The following SMG6 variants were observed in gnomAD, a reference collection of about 807,000 sequenced individuals.
SMG6 encodes SMG6 nonsense mediated mRNA decay factor, also known as telomerase-binding protein EST1A.
SMG6 carries 66 observed loss-of-function variants against 142.2 expected under a neutral mutation model. The ratio of observed to expected loss-of-function variants is 0.46; its 90% CI spans 0.38 to 0.57. The LOEUF (loss-of-function observed/expected upper bound fraction) is 0.57, where lower values mean the gene tolerates loss of function less well. SMG6 is among the 20% of genes least tolerant of loss of function. SMG6 has a pLI of 0.00. For missense variants in SMG6, 1,793 were observed against 1,832.0 expected (o/e 0.98, Z 0.39); for synonymous variants, 779 against 702.4 (o/e 1.11, Z -1.72).
At chr17:2,193,942 C>T (rs1463804705) in intron 10 of SMG6, among the ~76,000 whole-genome samples, 2 of 152,128 alleles carry the variant, frequency 1.3e-5, no homozygotes, top group African/African-American at 4.8e-5. Flanking sequence ...GCGATTCTTC[C>T]GCCTCAGCCT....
rs193029154 is a variant in SMG6, at chr17:2,215,224, C to T, written c.2869+21268G>A. Among the ~76,000 whole-genome samples, 43 of 151,314 alleles carry T rather than the reference C, an allele frequency of 2.8e-4. No homozygotes were observed. The East Asian group carries it at 6.8e-3, about 24-fold the overall frequency. On this transcript the variant is annotated intron_variant, in intron 10 of 18. Transcript: ENST00000263073. ...TGCGTACATTATAAACACACACACA[C>T]GCGCGCGCACACACACACACAGACC...
intron 9 of SMG6, among the ~76,000 whole-genome samples, chr17:2,242,356 C>CAAAAAA (rs57062488): frequency 5.4e-5 from 4 of 73,506 alleles, no homozygotes; most frequent in African/African-American, 2.0e-4. Context: ...ACTGAAGATA[C>CAAAAAA]AAAAAAAAAA....
Position 2,081,910 on chromosome 17 carries a change from T to G in SMG6, c.3581A>C (p.Glu1194Ala). Residue 1194 changes from glutamate to alanine, a missense_variant, in exon 15 of 19, where the codon GAA becomes GCA. Glu to Ala is a moderately radical substitution (Grantham distance 107). Around this residue, in one of 3 missense-constraint regions of SMG6, gnomAD observed 1,597 missense variants for 1,584.6 expected, o/e 1.01. Transcript: ENST00000263073. Reference protein sequence around the residue: ...IEDFEEDSEAEGSGGEDDIRE... With the variant: ...IEDFEEDSEAAGSGGEDDIRE... ...GATGTCATCCTCGCCTCCGCTGCCTTCAGCCTCTGAATCTTCCTCAAAGTC... is the reference window on the plus strand; with the variant it reads ...GATGTCATCCTCGCCTCCGCTGCCTGCAGCCTCTGAATCTTCCTCAAAGTC... 6.2e-7 allele frequency: 1 copy of G among 1,614,188 alleles called. No individual in the cohort carries two copies. The highest frequency in any genetic ancestry group is 8.5e-7 in the Non-Finnish European group (1 of 1,180,036).
chr17:2,126,966 G>A (rs759058877), intron 13 of SMG6, among the ~76,000 whole-genome samples: 5 of 151,382 alleles, frequency 3.3e-5, no homozygotes, highest in East Asian at 3.9e-4. Flanking sequence ...ACACATATAC[G>A]CGTGAACACA....
intron 9 of SMG6, among the ~76,000 whole-genome samples, chr17:2,239,154 A>T (rs993191148): frequency 6.6e-6 from 1 of 152,218 alleles, no homozygotes; most frequent in African/African-American, 2.4e-5. Flanking sequence ...ACTGATGGAC[A>T]CGTACGTAAG....
chr17:2,157,813 G>C (rs2071053386), intron 13 of SMG6, among the ~76,000 whole-genome samples: 1 of 152,164 alleles, frequency 6.6e-6, no homozygotes, highest in African/African-American at 2.4e-5. Flanking sequence ...TAAGCAATCA[G>C]GGAATGCTGG....
chr17:2,071,462 G>A lies in SMG6; in HGVS notation c.3682-2531C>T, dbSNP rs2068097758. Among the ~76,000 whole-genome samples the A allele has an allele frequency of 6.6e-6, 1 of 152,188 alleles. No individual in the cohort carries two copies. Among genetic ancestry groups the A allele is most frequent in the East Asian group, 1.9e-4 (1 of 5,188 alleles). On this transcript the variant is annotated intron_variant, in intron 15 of 18. Coordinates refer to ENST00000263073, the MANE Select transcript of SMG6 (RefSeq NM_017575.5). The surrounding 1 kb of genome is among the most constrained non-coding windows in gnomAD (Gnocchi z 5.6). ...GTCCAGAGACGCTCTAAATTCCCCG[G>A]GTTCTTAGCTCTGGCTTGCAGCTAG...
intron 13 of SMG6, among the ~76,000 whole-genome samples, chr17:2,115,620 CAGACCCAA>C (rs2069481917): frequency 6.6e-6 from 1 of 152,208 alleles, no homozygotes; most frequent in African/African-American, 2.4e-5. Flanking sequence ...AAATGAACCA[CAGACCCAA>C]GTGTGAATGG....
At chr17:2,223,770 A>C (rs921269421) in intron 10 of SMG6, among the ~76,000 whole-genome samples, 7 of 152,192 alleles carry the variant, frequency 4.6e-5, no homozygotes, top group Non-Finnish European at 8.8e-5. Context: ...AAATGAAAAA[A>C]TGTGAGCCCA....
intron 13 of SMG6, among the ~76,000 whole-genome samples, chr17:2,095,614 C>T (rs2068835842): frequency 6.6e-6 from 1 of 152,056 alleles, no homozygotes; most frequent in African/African-American, 2.4e-5. Flanking sequence ...ATCAACAGAC[C>T]CCCTGCATCA....
chr17:2,138,015 T>C (rs2070360285), intron 13 of SMG6, among the ~76,000 whole-genome samples: 1 of 152,100 alleles, frequency 6.6e-6, no homozygotes, highest in Admixed American at 6.6e-5. Context: ...CACAATCGAA[T>C]TGTCCAGTGT....
intron 13 of SMG6, among the ~76,000 whole-genome samples, chr17:2,112,275 C>A (rs2069346637): frequency 6.6e-6 from 1 of 151,280 alleles, no homozygotes; most frequent in Admixed American, 6.6e-5. Flanking sequence ...GAGGCTGAGG[C>A]GGGTGGATCA....
At chr17:2,191,854 T>C (rs2072174203) in intron 10 of SMG6, among the ~76,000 whole-genome samples, 1 of 152,158 alleles carries the variant, frequency 6.6e-6, no homozygotes, top group Non-Finnish European at 1.5e-5. Flanking sequence ...AATCAGGAAA[T>C]GGAGCGGCCG....
Position 2,300,473 on chromosome 17 carries a change from C to A in SMG6, c.280G>T (p.Val94Phe). ...TTCAGTTCCTTGCAGACATCTTTAACGGGCTGTGTACCATTTTCAACAGCA... is the reference window on the plus strand; with the variant it reads ...TTCAGTTCCTTGCAGACATCTTTAAAGGGCTGTGTACCATTTTCAACAGCA... ...CSAVENGTQP[V>F]KDVCKELNNQ... Residue 94 changes from valine to phenylalanine, a missense_variant, in exon 2 of 19, where the codon GTT becomes TTT. By Grantham distance (50) the Val-to-Phe change is conservative (BLOSUM62 -1). Transcript: ENST00000263073. 6.2e-7 allele frequency: 1 copy of A among 1,614,120 alleles called. No homozygotes were observed.
At chr17:2,186,887 G>T (rs2151689117) in intron 11 of SMG6, 56 bp from the exon 12 acceptor site, 2 of 1,574,312 alleles carry the variant, frequency 1.3e-6, no homozygotes, top group East Asian at 4.6e-5. Context: ...CCCGAGTGAG[G>T]CCTGGGGCGC....
chr17:2,082,791 C>T (rs576407193), intron 14 of SMG6, among the ~76,000 whole-genome samples: 2 of 152,210 alleles, frequency 1.3e-5, no homozygotes, highest in Non-Finnish European at 2.9e-5. Context: ...CTTTGAGGGA[C>T]AGGGTTAGCA....
At chr17:2,078,598 C>T (rs946698726) in intron 15 of SMG6, among the ~76,000 whole-genome samples, 5 of 152,094 alleles carry the variant, frequency 3.3e-5, no homozygotes, top group African/African-American at 1.2e-4. Flanking sequence ...TCTTGAACTC[C>T]TGACCTCAAG....
chr17:2,291,059 C>CAT, intron 6 of SMG6, among the ~76,000 whole-genome samples: 1 of 152,064 alleles, frequency 6.6e-6, no homozygotes, highest in Non-Finnish European at 1.5e-5. Context: ...TGGCCAGGTG[C>CAT]GGTGGCTCAC....
At chr17:2,149,369 A>G (rs895020926) in intron 13 of SMG6, among the ~76,000 whole-genome samples, 3 of 151,166 alleles carry the variant, frequency 2.0e-5, no homozygotes, top group Admixed American at 6.6e-5. Context: ...AAAAAAAAAA[A>G]AAAAAGGGTT....
Sources: allele counts gnomAD v4.1 joint callset (sites outside exome capture counted in the v4.1 genomes callset), GRCh38; gene constraint gnomAD v4.1.1; regional missense constraint gnomAD v4.1.1; non-coding constraint Gnocchi (gnomAD v3.1); transcripts MANE v1.5; gene names NCBI Gene and HGNC (gene_info 2026-07-23, HGNC 2026-07-21).